HSF2BP: variants seen among roughly 807,000 people sequenced by gnomAD.
HSF2BP encodes heat shock transcription factor 2 binding protein, also known as heat shock factor 2-binding protein.
In HSF2BP, 35 loss-of-function variants were observed where a neutral mutation model predicts 35.0. That is an observed-to-expected ratio of 1.00 (90% CI 0.76 to 1.32). The LOEUF (loss-of-function observed/expected upper bound fraction) is 1.32. Ranked by LOEUF, HSF2BP falls within the 40% of genes most tolerant of loss-of-function variation. The pLI is 0.00. For synonymous variants in HSF2BP, 114 were observed against 117.4 expected (o/e 0.97, Z 0.18); for missense variants, 326 against 321.7 (o/e 1.01, Z -0.10).
intron 8 of HSF2BP, among the ~76,000 whole-genome samples, chr21:43,586,879 C>T (rs1263139520): frequency 1.3e-5 from 2 of 151,986 alleles, no homozygotes; most frequent in Admixed American, 6.6e-5. Flanking sequence ...TGGCTCACTG[C>T]AACCTCTGCC....
At chr21:43,645,149 C>T (rs1312068015) in intron 3 of HSF2BP, among the ~76,000 whole-genome samples, 1 of 152,166 alleles carries the variant, frequency 6.6e-6, no homozygotes, top group Non-Finnish European at 1.5e-5. Context: ...TTTATGCCAA[C>T]ATATACCAAG....
intron 4 of HSF2BP, among the ~76,000 whole-genome samples, chr21:43,635,928 CAAA>C (rs33999944): frequency 4.2e-5 from 3 of 71,102 alleles, no homozygotes; most frequent in South Asian, 4.9e-4. Context: ...GACTCCATCT[CAAA>C]AAAAAAAAAA....
rs776562662 is a variant in HSF2BP at position 43,633,386 on chromosome 21, C to T, written c.327G>A (p.Ala109=). Residue 109 remains alanine, a synonymous_variant, in exon 5 of 9, where the codon GCG becomes GCA. Coordinates refer to ENST00000291560, the MANE Select transcript of HSF2BP (RefSeq NM_007031.2). ...KLALRQQLNE[A]KQQLLQQAEY... Reference sequence around the variant, plus strand: ...CTGCCTGCTGCAGGAGTTGCTGCTTCGCTTCATTCAACTGCTGTCGAAGAG... The same window carrying T: ...CTGCCTGCTGCAGGAGTTGCTGCTTTGCTTCATTCAACTGCTGTCGAAGAG... The T allele has an allele frequency of 1.1e-5, 18 of 1,612,686 alleles. No individual in the cohort carries two copies. The East Asian group carries it at 2.0e-4, about 18-fold the overall frequency.
At chr21:43,639,638 A>C (rs748999236) in intron 4 of HSF2BP, among the ~76,000 whole-genome samples, 2 of 152,198 alleles carry the variant, frequency 1.3e-5, no homozygotes. Context: ...ATAACACCAA[A>C]TACTGGTTAG....
chr21:43,572,759 C>CTGTA (rs1454514292), intron 8 of HSF2BP, among the ~76,000 whole-genome samples: 1 of 152,178 alleles, frequency 6.6e-6, no homozygotes, highest in African/African-American at 2.4e-5. Context: ...AGTCAGAGCC[C>CTGTA]TCTGAAACAC....
intron 7 of HSF2BP, among the ~76,000 whole-genome samples, chr21:43,606,376 C>G (rs965219634): frequency 6.6e-6 from 1 of 152,230 alleles, no homozygotes; most frequent in East Asian, 1.9e-4. Context: ...GTGATGCACA[C>G]TGGGGCTGGG....
rs527732006 is a variant in HSF2BP at position 43,600,055 on chromosome 21, G to A, written c.693-7727C>T. Among the ~76,000 whole-genome samples the A allele has an allele frequency of 2.7e-4, 41 of 152,154 alleles. 2 individuals carry two copies. The South Asian group carries it at 8.3e-3, about 31-fold the overall frequency. ...CTAAAATAAAGGTACTGGTGAACTC[G>A]AAATGCTACATAAGCAACACGAGTA... On this transcript the variant is annotated intron_variant, in intron 7 of 8. Transcript: ENST00000291560.
intron 5 of HSF2BP, among the ~76,000 whole-genome samples, chr21:43,631,145 G>A (rs1314008836): frequency 6.6e-6 from 1 of 152,194 alleles, no homozygotes; most frequent in Admixed American, 6.5e-5. Context: ...CTTACAGTAT[G>A]TAAATTAAAC....
intron 8 of HSF2BP, among the ~76,000 whole-genome samples, chr21:43,588,785 C>T (rs1054172690): frequency 2.0e-5 from 3 of 152,296 alleles, no homozygotes; most frequent in South Asian, 2.1e-4. Flanking sequence ...TGAATAGTTA[C>T]CTTACAGGTC....
rs2082908257 is a variant in HSF2BP at position 43,658,237 on chromosome 21, A to G, written c.-141T>C. On this transcript the variant is annotated 5_prime_UTR_variant, in exon 2 of 9. Transcript: ENST00000291560. Reference sequence around the variant, plus strand: ...CCAAACCTCCCAGAATTTGCGCAGTATTCTCGGCCTAGAGAGCGAGGAGTG... The same window carrying G: ...CCAAACCTCCCAGAATTTGCGCAGTGTTCTCGGCCTAGAGAGCGAGGAGTG... The G allele has an allele frequency of 7.0e-6, 7 of 995,956 alleles. No homozygotes were observed. The South Asian group carries it at 1.2e-4, about 17-fold the overall frequency. The allele number at this position is 995,956 out of a possible 1,614,324, so 61.7% of individuals were successfully genotyped here.
intron 1 of HSF2BP, among the ~76,000 whole-genome samples, chr21:43,658,801 G>A (rs1480416804): frequency 6.6e-6 from 1 of 152,238 alleles, no homozygotes; most frequent in Non-Finnish European, 1.5e-5. Context: ...GGGCTCCGGG[G>A]TAGGGGCGCA....
chr21:43,654,551 C>T (rs1481401660), intron 3 of HSF2BP, among the ~76,000 whole-genome samples: 2 of 152,172 alleles, frequency 1.3e-5, no homozygotes, highest in Non-Finnish European at 2.9e-5. Context: ...CCCACAGTTT[C>T]TCGGTGTTCT....
chr21:43,644,815 G>A (rs1263558406), intron 3 of HSF2BP, among the ~76,000 whole-genome samples: 1 of 152,210 alleles, frequency 6.6e-6, no homozygotes, highest in Non-Finnish European at 1.5e-5. Context: ...CACAAAGCTA[G>A]TGTCACCCAC....
chr21:43,636,839 C>G (rs1041091640), intron 4 of HSF2BP, among the ~76,000 whole-genome samples: 2 of 140,170 alleles, frequency 1.4e-5, no homozygotes, highest in African/African-American at 2.7e-5. Flanking sequence ...CTGCAGTAAG[C>G]GGAGATCACA....
chr21:43,623,079 C>T (rs2082349496), intron 6 of HSF2BP, among the ~76,000 whole-genome samples: 1 of 151,850 alleles, frequency 6.6e-6, no homozygotes, highest in Non-Finnish European at 1.5e-5. Context: ...GCTAGGATTA[C>T]AGGCATGGGC....
chr21:43,656,076 G>A (rs555038618), intron 3 of HSF2BP, among the ~76,000 whole-genome samples: 1 of 152,258 alleles, frequency 6.6e-6, no homozygotes, highest in East Asian at 1.9e-4. Flanking sequence ...AACTTCAATA[G>A]GCTCCTAAAC....
chr21:43,610,427 A>G (rs1313813932), intron 7 of HSF2BP, among the ~76,000 whole-genome samples: 3 of 104,988 alleles, frequency 2.9e-5, no homozygotes, highest in Non-Finnish European at 3.9e-5. Flanking sequence ...TGTCTCTACA[A>G]AAAATACCAA....
intron 7 of HSF2BP, among the ~76,000 whole-genome samples, chr21:43,596,904 A>AAG (rs10628182): frequency 3.7e-5 from 5 of 136,016 alleles, no homozygotes; most frequent in African/African-American, 1.1e-4. Flanking sequence ...AAAAAAAAAA[A>AAG]AGAGAATTTT....
At position 43,659,047 on chromosome 21, in the gene HSF2BP, C is replaced by T. The variant is rs372539880; in HGVS notation, c.-225+339G>A. On this transcript the variant is annotated intron_variant, in intron 1 of 8. Coordinates refer to ENST00000291560, the MANE Select transcript of HSF2BP (RefSeq NM_007031.2). This position sits in a 1 kb window ranked among gnomAD's most constrained non-coding sequence, Gnocchi z 4.2. ...GCGCGGCGGCTCAAGCCTGTAATCC[C>T]AGCGATCAGGGAGGCCGCCGCGGGA... Among the ~76,000 whole-genome samples the T allele has an allele frequency of 6.6e-6, 1 of 152,174 alleles. No homozygotes were observed. The highest frequency in any genetic ancestry group is 2.1e-4 in the South Asian group (1 of 4,832).
Sources: gnomAD v4.1 joint callset for allele counts (sites outside exome capture counted in the v4.1 genomes callset) on GRCh38, gnomAD v4.1.1 for gene constraint, Gnocchi (gnomAD v3.1) non-coding constraint, MANE v1.5 for transcripts, NCBI Gene and HGNC (gene_info 2026-07-23, HGNC 2026-07-21) for gene names.